Variants in PDE4D observed in about 807,000 individuals in gnomAD.
PDE4D encodes the protein 3',5'-cyclic-AMP phosphodiesterase 4D.
In PDE4D, 24 loss-of-function variants were observed where a neutral mutation model predicts 87.4. The observed-to-expected ratio is 0.27, with a 90% CI of 0.20 to 0.39. The LOEUF (loss-of-function observed/expected upper bound fraction) is 0.39, where lower values mean the gene tolerates loss of function less well. Among genes scored for constraint, PDE4D ranks in the 10% least tolerant of loss-of-function variants. The pLI is 1.00. For synonymous variants in PDE4D, 384 were observed against 383.2 expected, an observed-to-expected ratio of 1.00 and a Z score of -0.02; for missense variants, 714 against 1,041.0, an observed-to-expected ratio of 0.69 and a Z score of 4.32.
At chr5:60,452,170 C>T (rs1283336594) in intron 1 of PDE4D, among the ~76,000 whole-genome samples, 1 of 152,056 alleles carries the variant, frequency 6.6e-6, no homozygotes, top group African/African-American at 2.4e-5. Flanking sequence ...CAAGAATACA[C>T]AGCCCCTGGA....
At chr5:59,596,710 C>T (rs1486742761) in intron 1 of PDE4D, among the ~76,000 whole-genome samples, 1 of 152,098 alleles carries the variant, frequency 6.6e-6, no homozygotes, top group African/African-American at 2.4e-5. Context: ...GCCTTTCCTA[C>T]ACTTCACCAT....
At chr5:59,350,531 C>T (rs916508569) in intron 1 of PDE4D, among the ~76,000 whole-genome samples, 4 of 152,158 alleles carry the variant, frequency 2.6e-5, no homozygotes, top group Non-Finnish European at 5.9e-5. Context: ...AGAGTATCCT[C>T]ACACTTGCCA....
At chr5:59,240,699 A>C (rs1757466525) in intron 1 of PDE4D, among the ~76,000 whole-genome samples, 1 of 152,084 alleles carries the variant, frequency 6.6e-6, no homozygotes, top group Admixed American at 6.6e-5. Context: ...AAGAGTTTCA[A>C]ATTTTGGAGA....
At chr5:60,046,927 G>C (rs1229246590) in intron 2 of PDE4D, among the ~76,000 whole-genome samples, 2 of 152,170 alleles carry the variant, frequency 1.3e-5, no homozygotes, top group Non-Finnish European at 2.9e-5. Flanking sequence ...GATTGGAATA[G>C]TTTCAGAAGG....
intron 1 of PDE4D, among the ~76,000 whole-genome samples, chr5:59,478,188 A>C (rs1285702339): frequency 6.6e-6 from 1 of 151,210 alleles, no homozygotes; most frequent in Admixed American, 6.6e-5. Flanking sequence ...CCCTGTATCT[A>C]AAATAAAAGT....
chr5:60,008,399 C>T (rs1764685630), intron 2 of PDE4D, among the ~76,000 whole-genome samples: 3 of 152,020 alleles, frequency 2.0e-5, no homozygotes, highest in Non-Finnish European at 2.9e-5. Context: ...AATTTTGAAA[C>T]ATCTGCCGCA....
At chr5:59,583,254 A>G (rs1207432300) in intron 1 of PDE4D, among the ~76,000 whole-genome samples, 1 of 152,136 alleles carries the variant, frequency 6.6e-6, no homozygotes, top group Non-Finnish European at 1.5e-5. Flanking sequence ...TTCATGTTAG[A>G]CCCTGGCATG....
At chr5:60,018,858 C>T (rs936411337) in intron 2 of PDE4D, among the ~76,000 whole-genome samples, 3 of 152,092 alleles carry the variant, frequency 2.0e-5, no homozygotes, top group African/African-American at 7.2e-5. Flanking sequence ...TAGAGACCTA[C>T]CAAGAGACTT....
intron 1 of PDE4D, among the ~76,000 whole-genome samples, chr5:59,718,621 G>A (rs926440035): frequency 2.0e-5 from 3 of 152,086 alleles, no homozygotes; most frequent in Admixed American, 6.6e-5. Context: ...TGACTCCTTT[G>A]CAGAGCTATA....
At chr5:59,933,793 A>ATATATATATATATATATATATATATAT (rs1343398649) in intron 3 of PDE4D, among the ~76,000 whole-genome samples, 10 of 35,620 alleles carry the variant, frequency 2.8e-4, no homozygotes, top group African/African-American at 1.6e-3. Context: ...TATATATATT[A>ATATATATATATATATATATATATATAT]ATAAGCATTC....
intron 6 of PDE4D, among the ~76,000 whole-genome samples, chr5:59,037,877 G>A (rs182567207): frequency 2.0e-5 from 3 of 150,956 alleles, no homozygotes; most frequent in Admixed American, 1.3e-4. Flanking sequence ...TGTGCACATA[G>A]ATGAACTGTA....
At chr5:60,425,217 C>T (rs111489034) in intron 1 of PDE4D, among the ~76,000 whole-genome samples, 7 of 152,302 alleles carry the variant, frequency 4.6e-5, no homozygotes, top group Admixed American at 1.3e-4. Context: ...AAAGAGCCCA[C>T]GTTGCCAAGA....
intron 2 of PDE4D, among the ~76,000 whole-genome samples, chr5:60,102,607 T>C (rs1191923470): frequency 1.3e-5 from 2 of 152,174 alleles, no homozygotes; most frequent in East Asian, 3.9e-4. Context: ...AACCAGTTTT[T>C]CAATAGTAAC....
intron 2 of PDE4D, among the ~76,000 whole-genome samples, chr5:59,207,636 G>C (rs1433701454): frequency 6.6e-6 from 1 of 151,948 alleles, no homozygotes; most frequent in Non-Finnish European, 1.5e-5. Context: ...CTTCTGGCAG[G>C]AATTCAGTGT....
At chr5:59,257,774 C>T (rs1209657512) in intron 1 of PDE4D, among the ~76,000 whole-genome samples, 1 of 151,996 alleles carries the variant, frequency 6.6e-6, no homozygotes, top group Non-Finnish European at 1.5e-5. Context: ...GGGTCTTAAA[C>T]TTTGTGTAAA....
At chr5:59,610,648 G>T (rs563606107) in intron 1 of PDE4D, among the ~76,000 whole-genome samples, 1 of 152,284 alleles carries the variant, frequency 6.6e-6, no homozygotes, top group East Asian at 1.9e-4. Flanking sequence ...GATGTGAGCA[G>T]TTCAGCTGAA....
intron 1 of PDE4D, among the ~76,000 whole-genome samples, chr5:59,367,654 G>A (rs1411349828): frequency 6.6e-6 from 1 of 152,162 alleles, no homozygotes; most frequent in African/African-American, 2.4e-5. Context: ...AGCCAGATAG[G>A]CATACACATC....
At chr5:59,911,412 C>T (rs1206174024) in intron 3 of PDE4D, among the ~76,000 whole-genome samples, 1 of 152,092 alleles carries the variant, frequency 6.6e-6, no homozygotes, top group Non-Finnish European at 1.5e-5. Context: ...ACAGCTTCAA[C>T]TCCCTATGAT....
intron 5 of PDE4D, among the ~76,000 whole-genome samples, chr5:59,092,794 T>C (rs1768973985): frequency 6.6e-6 from 1 of 152,188 alleles, no homozygotes; most frequent in African/African-American, 2.4e-5. Context: ...TGCAAATACA[T>C]AGTGAGCACG....
Sources: allele counts gnomAD v4.1 joint callset (sites outside exome capture counted in the v4.1 genomes callset), GRCh38; gene constraint gnomAD v4.1.1; transcripts MANE v1.5; gene names NCBI Gene and HGNC (gene_info 2026-07-23, HGNC 2026-07-21).